ANK3: variants seen among roughly 807,000 people sequenced by gnomAD.
The protein encoded by ANK3 is ankyrin-3.
Under a neutral mutation model 370.9 loss-of-function variants are expected in ANK3, and 57 were observed. The observed-to-expected ratio is 0.15, with a 90% CI of 0.12 to 0.19. The LOEUF (loss-of-function observed/expected upper bound fraction) is 0.19, where lower values mean the gene tolerates loss of function less well. Ranked by LOEUF, ANK3 falls within the 10% of genes least tolerant of loss-of-function variation. The pLI, the probability that ANK3 is intolerant of heterozygous loss-of-function variation, is 1.00. For synonymous variants in ANK3, 1,929 were observed against 1,946.3 expected, an observed-to-expected ratio of 0.99 and a Z score of 0.23; for missense variants, 4,439 against 5,302.1, an observed-to-expected ratio of 0.84 and a Z score of 5.06.
chr10:60,182,291 C>T (rs2096215982), intron 17 of ANK3, among the ~76,000 whole-genome samples: 1 of 152,044 alleles, frequency 6.6e-6, no homozygotes, highest in Non-Finnish European at 1.5e-5. Context: ...AATGTGAATG[C>T]AAGATCATGA....
chr10:60,433,453 G>A lies in ANK3; in HGVS notation c.97-153814C>T, dbSNP rs10994346. Among the ~76,000 whole-genome samples, 940 of 152,218 alleles carry A rather than the reference G, an allele frequency of 6.2e-3. 13 individuals are homozygous for A. The highest frequency in any genetic ancestry group is 0.02 in the African/African-American group (846 of 41,548). On this transcript the variant is annotated intron_variant, in intron 2 of 43. Transcript: ENST00000373827. ...AAAAATATAAAAATTAGCCCCAGGT[G>A]TAGTGGTGCACAACTATAATCACAG... is the stretch of plus-strand genomic sequence containing the variant.
chr10:60,610,123 C>T (rs1292576356), intron 2 of ANK3, among the ~76,000 whole-genome samples: 1 of 151,882 alleles, frequency 6.6e-6, no homozygotes, highest in Non-Finnish European at 1.5e-5. Flanking sequence ...TAAAATAATA[C>T]CCAAAGACAT....
intron 1 of ANK3, among the ~76,000 whole-genome samples, chr10:60,621,545 G>A (rs534628867): frequency 5.4e-4 from 82 of 152,278 alleles, no homozygotes; most frequent in African/African-American, 1.9e-3. Context: ...CTGGGGTCGT[G>A]TAATTCATGG....
intron 42 of ANK3, chr10:60,044,707 T>C (rs1290150779): frequency 6.6e-6 from 1 of 152,222 alleles, no homozygotes; most frequent in Non-Finnish European, 1.5e-5. Context: ...TTAAGCACTG[T>C]TTCTTCATTA....
rs562492475 is a variant in ANK3 at position 60,172,279 on chromosome 10, G to A, written c.2478+29C>T. 466 of 1,575,318 alleles carry A rather than the reference G, an allele frequency of 3.0e-4. 4 individuals carry two copies. The South Asian group carries it at 4.6e-3, about 16-fold the overall frequency. On this transcript the variant is annotated intron_variant, in intron 21 of 43. Transcript: ENST00000280772. ...AAACTGGCTGAAAGCTGGCTCCTAGGGTAACAAGGTTCTGCATTCCTTACT... is the reference window on the plus strand; with the variant it reads ...AAACTGGCTGAAAGCTGGCTCCTAGAGTAACAAGGTTCTGCATTCCTTACT...
intron 1 of ANK3, among the ~76,000 whole-genome samples, chr10:60,337,026 T>A (rs78038591): frequency 0.12 from 17,486 of 149,022 alleles, 1,370 homozygotes; most frequent in East Asian, 0.23. Context: ...AAAAAGGCTT[T>A]AAAAAAAAAA....
rs1327577654 is a variant in ANK3 at position 60,696,269 on chromosome 10, C to G, written c.57+36994G>C. Among the ~76,000 whole-genome samples, 151 of 149,766 alleles carry G rather than the reference C, an allele frequency of 1.0e-3. 4 individuals carry two copies. The highest frequency in any genetic ancestry group is 1.2e-4 in the Non-Finnish European group (8 of 67,478). On this transcript the variant is annotated intron_variant, in intron 1 of 43. Coordinates refer to the ANK3 transcript ENST00000373827. ...ATTGTGGCAATAATCAATAGCTTAC[C>G]AACCAAAAAGAGTCCAGGACCAGAT... is the stretch of plus-strand genomic sequence containing the variant.
At chr10:60,043,739 G>A (rs2076500171) in intron 42 of ANK3, 3 of 985,422 alleles carry the variant, frequency 3.0e-6, no homozygotes, top group Non-Finnish European at 3.6e-6. Context: ...TCTGCTGAAG[G>A]CCAAGCCCTG....
In ANK3 at chr10:60,070,832, G is replaced by T. The variant is rs773823329; in HGVS notation, c.10049C>A (p.Ser3350Tyr). Residue 3350 changes from serine (S) to tyrosine (Y), a missense_variant, in exon 37 of 44, where the codon TCT becomes TAT. Physicochemically the swap from Ser to Tyr is moderately radical, Grantham distance 144. This residue lies in a region of ANK3 where 1,601 missense variants were observed against 1,731.7 expected (regional missense o/e 0.92). Transcript: ENST00000280772. The surrounding 1 kb of genome is among the most constrained non-coding windows in gnomAD (Gnocchi z 5.7). Reference sequence around the variant, plus strand: ...TTTCTGGTTGGAAGCCTTTTCAGCAGAAGCTTTGGGTTTTTCTTTTTGTTC... The same window carrying T: ...TTTCTGGTTGGAAGCCTTTTCAGCATAAGCTTTGGGTTTTTCTTTTTGTTC... ...DDEQKEKPKA[S>Y]AEKASNQKEL... 1.2e-6 allele frequency: 2 copies of T among 1,614,114 alleles called. No individual in the cohort carries two copies. Among genetic ancestry groups the T allele is most frequent in the South Asian group, 2.2e-5 (2 of 91,086 alleles).
chr10:60,342,865 A>G (rs370216792), intron 1 of ANK3, among the ~76,000 whole-genome samples: 1 of 152,340 alleles, frequency 6.6e-6, no homozygotes, highest in South Asian at 2.1e-4. Context: ...GAGAAATGCT[A>G]TATACCAATC....
intron 1 of ANK3, among the ~76,000 whole-genome samples, chr10:60,693,240 G>T (rs2079384250): frequency 6.6e-6 from 1 of 152,244 alleles, no homozygotes; most frequent in African/African-American, 2.4e-5. Flanking sequence ...CCCGCACCTG[G>T]CTCGCAGGGT....
chr10:60,034,106 GTTTTTTT>G (rs61678524), intron 43 of ANK3, among the ~76,000 whole-genome samples: 1 of 115,894 alleles, frequency 8.6e-6, no homozygotes, highest in African/African-American at 3.5e-5. Context: ...TTGTTTTTTG[GTTTTTTT>G]TTTTTTTTTT....
At position 60,043,342 on chromosome 10, in the gene ANK3, C is replaced by G; in HGVS notation, c.13066-583G>C. 3 of 984,984 alleles carry G rather than the reference C, an allele frequency of 3.0e-6. No homozygotes were observed. The African/African-American group carries it at 5.2e-5, about 17-fold the overall frequency. The allele number at this position is 984,984 out of a possible 1,614,324, so 61.0% of individuals were successfully genotyped here. On this transcript the variant is annotated intron_variant, in intron 42 of 43. Transcript: ENST00000280772. ...AATTTTTAACAGAAAACAAATGAAG[C>G]CTTTTCAATTTTGTGATTTGTACTT...
chr10:60,240,307 T>TATATA (rs1491120014), intron 7 of ANK3, among the ~76,000 whole-genome samples: 36 of 48,308 alleles, frequency 7.5e-4, no homozygotes, highest in Non-Finnish European at 1.5e-3. Context: ...TATATATATA[T>TATATA]TTTTTTTTCT....
intron 14 of ANK3, among the ~76,000 whole-genome samples, chr10:60,197,984 C>A (rs2096613832): frequency 6.6e-6 from 1 of 152,182 alleles, no homozygotes; most frequent in Admixed American, 6.5e-5. Flanking sequence ...AAGCATCTAC[C>A]AACCGAGCTG....
chr10:60,540,180 C>G (rs1229530485), intron 2 of ANK3, among the ~76,000 whole-genome samples: 1 of 151,826 alleles, frequency 6.6e-6, no homozygotes, highest in Non-Finnish European at 1.5e-5. Context: ...GACTCTAAGA[C>G]AGTTGATCTT....
At chr10:60,129,035 T>A (rs1320380067) in intron 25 of ANK3, among the ~76,000 whole-genome samples, 1 of 152,256 alleles carries the variant, frequency 6.6e-6, no homozygotes, top group Non-Finnish European at 1.5e-5. Flanking sequence ...TTTAGACTCA[T>A]CCCTTTATTT....
At chr10:60,216,119 G>C (rs150542539) in intron 8 of ANK3, among the ~76,000 whole-genome samples, 98 of 152,050 alleles carry the variant, frequency 6.4e-4, no homozygotes, top group African/African-American at 2.2e-3. Flanking sequence ...GATTGTGAAT[G>C]GGAGTTCATT....
chr10:60,235,550 GTTTTTTTTTTTT>G (rs72388493), intron 7 of ANK3, among the ~76,000 whole-genome samples: 2 of 115,052 alleles, frequency 1.7e-5, no homozygotes, highest in African/African-American at 3.3e-5. Context: ...CTGATTTCTT[GTTTTTTTTTTTT>G]TTTTTTTTTT....
Sources: gnomAD v4.1 joint callset for allele counts (sites outside exome capture counted in the v4.1 genomes callset) on GRCh38, gnomAD v4.1.1 for gene constraint, gnomAD v4.1.1 regional missense constraint, Gnocchi (gnomAD v3.1) non-coding constraint, MANE v1.5 for transcripts, NCBI Gene and HGNC (gene_info 2026-07-23, HGNC 2026-07-21) for gene names.